PCDHA6: variants seen among roughly 807,000 people sequenced by gnomAD.
PCDHA6 encodes the protein protocadherin alpha-6.
PCDHA6 carries 55 observed loss-of-function variants against 60.3 expected under a neutral mutation model. The observed-to-expected ratio is 0.91, with a 90% CI of 0.73 to 1.14. The LOEUF is 1.14. PCDHA6 is among the 50% of genes most tolerant of loss of function. The pLI is 0.00. For missense variants in PCDHA6, 1,327 were observed against 1,256.5 expected (o/e 1.06, Z -0.85); for synonymous variants, 652 against 557.9 (o/e 1.17, Z -2.38).
intron 1 of PCDHA6, chr5:140,853,754 A>G: frequency 1.0e-6 from 1 of 988,728 alleles, no homozygotes; most frequent in Non-Finnish European, 1.2e-6. Context: ...TCAAGGCTCC[A>G]CCTCAGAAAT....
chr5:140,863,074 A>G lies in PCDHA6; in HGVS notation c.2394+32589A>G, dbSNP rs142752367. ...GCACCCGTTCCACGTGGGGCTCTGC[A>G]CGGGCGAGATCAGCACGACGAGTAC... On this transcript the variant is annotated intron_variant, in intron 1 of 3. Transcript: ENST00000529310. The G allele has an allele frequency of 2.9e-3, 1,668 of 569,744 alleles. 11 individuals are homozygous for G. Among genetic ancestry groups the G allele is most frequent in the Middle Eastern group, 0.01 (34 of 3,390 alleles). The allele number at this position is 569,744 out of a possible 1,614,324, so 35.3% of individuals were successfully genotyped here.
chr5:140,848,437 A>G lies in PCDHA6; in HGVS notation c.2394+17952A>G. ...AGCAGAATGGGACTGACGAAATCAGATGATTTCTTCTAATTTGGAGGCAAT... is the reference window on the plus strand; with the variant it reads ...AGCAGAATGGGACTGACGAAATCAGGTGATTTCTTCTAATTTGGAGGCAAT... On this transcript the variant is annotated intron_variant, in intron 1 of 3. Transcript: ENST00000529310. 4 of 1,473,718 alleles carry G rather than the reference A, an allele frequency of 2.7e-6. 1 individual carries two copies. Among genetic ancestry groups the G allele is most frequent in the Admixed American group, 1.9e-5 (1 of 52,040 alleles). 91.3% of individuals were successfully genotyped at this position (1,473,718 alleles called of 1,614,324 possible). A position where few individuals can be genotyped will look rare whatever the true frequency, so the allele number is the denominator to read the frequency against.
chr5:140,860,155 A>G (rs1159738413), intron 1 of PCDHA6: 2 of 149,648 alleles, frequency 1.3e-5, no homozygotes, highest in African/African-American at 4.9e-5. Flanking sequence ...ATATATGTGT[A>G]TATATATATG....
intron 1 of PCDHA6, chr5:140,871,073 C>T (rs782763189): frequency 1.1e-5 from 18 of 1,613,090 alleles, no homozygotes; most frequent in Non-Finnish European, 1.4e-5. Context: ...GGTGAGCCGG[C>T]GCTGACGGCC....
chr5:140,994,379 G>A (rs2097618506), intron 3 of PCDHA6, among the ~76,000 whole-genome samples: 1 of 152,112 alleles, frequency 6.6e-6, no homozygotes. Flanking sequence ...AAATTCAGGG[G>A]ACTAAGTCAG....
intron 1 of PCDHA6, among the ~76,000 whole-genome samples, chr5:140,973,337 G>T (rs2096582330): frequency 6.6e-6 from 1 of 152,162 alleles, no homozygotes; most frequent in African/African-American, 2.4e-5. Flanking sequence ...TCGTTGTAAA[G>T]TGACATAGTA....
intron 1 of PCDHA6, among the ~76,000 whole-genome samples, chr5:140,926,161 A>C (rs1205520517): frequency 6.6e-6 from 1 of 151,712 alleles, no homozygotes. Flanking sequence ...GCTCTGCAGC[A>C]GGATCCAGCG....
intron 1 of PCDHA6, chr5:140,967,270 C>G (rs782562333): frequency 6.2e-7 from 1 of 1,613,488 alleles, no homozygotes; most frequent in Non-Finnish European, 8.5e-7. Context: ...CGCGCTTTCA[C>G]ATAGAGAGTG....
chr5:140,858,007 T>C lies in PCDHA6; in HGVS notation c.2394+27522T>C, dbSNP rs1383838363. 3.1e-6 allele frequency: 5 copies of C among 1,596,728 alleles called. 1 individual carries two copies. Among genetic ancestry groups the C allele is most frequent in the Admixed American group, 1.7e-5 (1 of 59,162 alleles). On this transcript the variant is annotated intron_variant, in intron 1 of 3. Coordinates refer to ENST00000529310, the MANE Select transcript of PCDHA6 (RefSeq NM_018909.4). ...GCCTACTGGTGCTGGTGAAGGACCA[T>C]GGCGAGCCGTCGCTGACGGCCACGG... is the stretch of plus-strand genomic sequence containing the variant.
intron 1 of PCDHA6, chr5:140,870,262 T>C (rs2051814541): frequency 6.2e-7 from 1 of 1,614,182 alleles, no homozygotes; most frequent in Non-Finnish European, 8.5e-7. Context: ...GGTGACCTGC[T>C]CGCTGACGCC....
chr5:140,858,481 T>C (rs782180300), intron 1 of PCDHA6: 5 of 1,507,736 alleles, frequency 3.3e-6, no homozygotes, highest in Non-Finnish European at 4.5e-6. Flanking sequence ...TTATGAATAA[T>C]ATTTTCTCTT....
intron 1 of PCDHA6, among the ~76,000 whole-genome samples, chr5:140,965,377 A>G (rs1479954226): frequency 6.6e-6 from 1 of 152,190 alleles, no homozygotes; most frequent in Non-Finnish European, 1.5e-5. Flanking sequence ...AAACTTGGGG[A>G]CACAGAAGAA....
chr5:140,984,960 CAG>C (rs1387655082), intron 3 of PCDHA6, among the ~76,000 whole-genome samples: 2 of 151,386 alleles, frequency 1.3e-5, no homozygotes, highest in African/African-American at 4.9e-5. Context: ...TTTTTTGAGA[CAG>C]AGTCTCGCTC....
chr5:140,877,674 G>T (rs2057278019), intron 1 of PCDHA6: 2 of 1,613,630 alleles, frequency 1.2e-6, no homozygotes, highest in East Asian at 4.5e-5. Flanking sequence ...GGTGCGCGCC[G>T]GGCAAGCCCA....
intron 1 of PCDHA6, chr5:140,836,211 G>T: frequency 6.2e-7 from 1 of 1,613,840 alleles, no homozygotes; most frequent in Non-Finnish European, 8.5e-7. Context: ...GCTTTCGTAT[G>T]AGTTGCAACC....
intron 1 of PCDHA6, among the ~76,000 whole-genome samples, chr5:140,942,781 A>G (rs1554215214): frequency 6.6e-6 from 1 of 152,214 alleles, no homozygotes; most frequent in Admixed American, 6.5e-5. Context: ...TTTAGGCAGA[A>G]TATTACAAAG....
chr5:140,837,978 C>T (rs1554136732), intron 1 of PCDHA6, among the ~76,000 whole-genome samples: 1 of 151,764 alleles, frequency 6.6e-6, no homozygotes, highest in African/African-American at 2.4e-5. Context: ...CACACCCAGC[C>T]TGCCTTTCAT....
At chr5:140,984,634 C>G (rs540344154) in intron 3 of PCDHA6, among the ~76,000 whole-genome samples, 4 of 152,298 alleles carry the variant, frequency 2.6e-5, no homozygotes, top group African/African-American at 9.6e-5. Context: ...AAGGGATTCT[C>G]TGCCTTCTCC....
intron 1 of PCDHA6, among the ~76,000 whole-genome samples, chr5:140,879,279 A>G (rs2057928398): frequency 2.0e-5 from 3 of 152,250 alleles, no homozygotes; most frequent in East Asian, 3.8e-4. Flanking sequence ...CAGACTCAAT[A>G]CAAATGATAA....
Sources: allele counts gnomAD v4.1 joint callset (sites outside exome capture counted in the v4.1 genomes callset), GRCh38; gene constraint gnomAD v4.1.1; transcripts MANE v1.5; gene names NCBI Gene and HGNC (gene_info 2026-07-23, HGNC 2026-07-21).